DOCK2: variants seen among roughly 807,000 people sequenced by gnomAD.
DOCK2 encodes dedicator of cytokinesis 2.
In DOCK2, 87 loss-of-function variants were observed where a neutral mutation model predicts 248.9. The ratio of observed to expected loss-of-function variants is 0.35; its 90% CI spans 0.29 to 0.42. The LOEUF (loss-of-function observed/expected upper bound fraction) is 0.42, where lower values mean the gene tolerates loss of function less well. Among genes scored for constraint, DOCK2 ranks in the 10% least tolerant of loss-of-function variants. The probability of loss-of-function intolerance (pLI) is 1.00; values close to 1 mark genes in which losing one functional copy is unlikely to be tolerated. For synonymous variants in DOCK2, 805 were observed against 821.6 expected (o/e 0.98, Z 0.35); for missense variants, 1,747 against 2,300.2 (o/e 0.76, Z 4.92).
intron 41 of DOCK2, 27 bp from the exon 42 acceptor site, chr5:170,055,278 A>T: frequency 6.2e-7 from 1 of 1,610,358 alleles, no homozygotes; most frequent in Non-Finnish European, 8.5e-7. Flanking sequence ...GCCAACAGAT[A>T]TAAGTCCTTA....
intron 27 of DOCK2, among the ~76,000 whole-genome samples, chr5:169,902,390 T>A (rs1773977123): frequency 6.6e-6 from 1 of 152,152 alleles, no homozygotes; most frequent in African/African-American, 2.4e-5. Flanking sequence ...ACAAAGAAGT[T>A]TAGTGATTTT....
chr5:169,832,326 G>GA (rs2113295076), intron 26 of DOCK2, among the ~76,000 whole-genome samples: 1 of 152,296 alleles, frequency 6.6e-6, no homozygotes, highest in East Asian at 1.9e-4. Context: ...GTCTTCTAGT[G>GA]AAGGCTAATA....
At chr5:170,014,758 A>T (rs1755449121) in intron 32 of DOCK2, among the ~76,000 whole-genome samples, 1 of 151,954 alleles carries the variant, frequency 6.6e-6, no homozygotes, top group African/African-American at 2.4e-5. Context: ...AGGCAGGTGG[A>T]GGGAGGGTGG....
intron 8 of DOCK2, among the ~76,000 whole-genome samples, chr5:169,685,975 A>G (rs1340109640): frequency 1.3e-5 from 2 of 152,250 alleles, no homozygotes; most frequent in Admixed American, 6.5e-5. Flanking sequence ...CCAGGGTTTC[A>G]GCACCATTAT....
At chr5:169,992,533 C>T (rs971047978) in intron 29 of DOCK2, among the ~76,000 whole-genome samples, 4 of 151,700 alleles carry the variant, frequency 2.6e-5, no homozygotes, top group Admixed American at 6.6e-5. Context: ...GGTGTGATCT[C>T]GGCTCACTGC....
At chr5:169,646,350 G>C (rs1757462593) in intron 1 of DOCK2, among the ~76,000 whole-genome samples, 1 of 152,156 alleles carries the variant, frequency 6.6e-6, no homozygotes, top group African/African-American at 2.4e-5. Flanking sequence ...CAAAGCCCTT[G>C]TGTCATCATG....
chr5:169,969,632 G>A (rs1007418598), intron 27 of DOCK2, among the ~76,000 whole-genome samples: 7 of 152,294 alleles, frequency 4.6e-5, no homozygotes, highest in East Asian at 3.9e-4. Context: ...GGGGAGTGGC[G>A]GAGGCTGTAG....
chr5:169,755,920 G>A (rs1345615748), intron 23 of DOCK2, among the ~76,000 whole-genome samples: 1 of 152,178 alleles, frequency 6.6e-6, no homozygotes, highest in African/African-American at 2.4e-5. Context: ...CTGCCCCAGT[G>A]TGTCAGGGCA....
rs1156279903 is a variant in DOCK2 at position 169,883,729 on chromosome 5, T to A, written c.2799+42877T>A. On this transcript the variant is annotated intron_variant, in intron 27 of 51. Coordinates refer to ENST00000520908, the MANE Select transcript of DOCK2 (RefSeq NM_004946.3). ...CATCACAGCCGGGTCTTCTGGAGTT[T>A]GGACGTCAACCTCAGCTAGGCCAGT... is the stretch of plus-strand genomic sequence containing the variant. The A allele has an allele frequency of 1.9e-6, 3 of 1,551,630 alleles. No individual in the cohort carries two copies. In the Admixed American group the frequency reaches 5.9e-5, roughly 30 times the overall value.
intron 22 of DOCK2, among the ~76,000 whole-genome samples, chr5:169,730,975 G>A (rs1420078859): frequency 6.6e-6 from 1 of 151,994 alleles, no homozygotes; most frequent in Non-Finnish European, 1.5e-5. Context: ...TTGAACTCCT[G>A]GGCTCAAGTG....
intron 27 of DOCK2, among the ~76,000 whole-genome samples, chr5:169,847,330 C>T (rs929476754): frequency 1.3e-5 from 2 of 152,220 alleles, no homozygotes; most frequent in Admixed American, 1.3e-4. Context: ...TAAATGTTCT[C>T]TTTTCCCAAC....
intron 26 of DOCK2, among the ~76,000 whole-genome samples, chr5:169,833,188 A>G (rs753185070): frequency 1.3e-5 from 2 of 152,228 alleles, no homozygotes; most frequent in Admixed American, 6.5e-5. Context: ...AGACATTTAC[A>G]TGACACAATC....
At chr5:170,041,684 C>A (rs187587521) in intron 37 of DOCK2, among the ~76,000 whole-genome samples, 65 of 152,284 alleles carry the variant, frequency 4.3e-4, no homozygotes, top group Non-Finnish European at 7.4e-4. Flanking sequence ...GGGAAGCTAG[C>A]AGAGGGGAGG....
intron 29 of DOCK2, among the ~76,000 whole-genome samples, chr5:169,987,850 C>T (rs1778105871): frequency 6.6e-6 from 1 of 152,154 alleles, no homozygotes; most frequent in African/African-American, 2.4e-5. Context: ...AAAAGTTAGA[C>T]TCTAGAACAC....
intron 27 of DOCK2, chr5:169,883,653 G>A: frequency 6.4e-7 from 1 of 1,551,246 alleles, no homozygotes; most frequent in South Asian, 1.2e-5. Flanking sequence ...ACCTGGGGAA[G>A]GAGAGCGAGT....
At chr5:169,913,201 A>G (rs1774703423) in intron 27 of DOCK2, among the ~76,000 whole-genome samples, 1 of 152,232 alleles carries the variant, frequency 6.6e-6, no homozygotes, top group Non-Finnish European at 1.5e-5. Context: ...GGAATGTGCT[A>G]TTGAAGTTTA....
intron 27 of DOCK2, chr5:169,864,340 G>A (rs970688626): frequency 1.9e-6 from 3 of 1,551,428 alleles, no homozygotes; most frequent in East Asian, 2.4e-5. Flanking sequence ...CTTTTCCGGG[G>A]CTGGGGGTTC....
rs1229297814 is a variant in DOCK2, at chr5:170,041,116, A to G, written c.3727A>G (p.Thr1243Ala). The part of the protein sequence containing the change: ...DCDNYTEAAY[T>A]LLLHTWLLKW... ...TGACAATTACACAGAGGCTGCCTAC[A>G]CGCTCCTTCTCCACACCTGGCTTCT... The change falls in exon 37 of 52, where the codon ACG becomes GCG. Residue 1243 changes from threonine to alanine, a missense_variant. Physicochemically the swap from Thr to Ala is moderately conservative, Grantham distance 58. Transcript: ENST00000520908. 3.7e-6 allele frequency: 6 copies of G among 1,613,988 alleles called. No homozygotes were observed. The Admixed American group carries it at 8.3e-5, about 22-fold the overall frequency.
In DOCK2 at chr5:169,780,486, T is replaced by C. The variant is rs562550276; in HGVS notation, c.2554+18861T>C. Among the ~76,000 whole-genome samples the C allele has an allele frequency of 1.4e-4, 22 of 152,346 alleles. No homozygotes were observed. The East Asian group carries it at 4.0e-3, about 28-fold the overall frequency. ...CTGGGCAGGTTGACGGTTTCCTCCC[T>C]GTTCGTATTTGTTTCATCATAAGCC... is the stretch of plus-strand genomic sequence containing the variant. On this transcript the variant is annotated intron_variant, in intron 25 of 51. Coordinates refer to ENST00000520908, the MANE Select transcript of DOCK2 (RefSeq NM_004946.3).
Sources: allele counts gnomAD v4.1 joint callset (sites outside exome capture counted in the v4.1 genomes callset), GRCh38; gene constraint gnomAD v4.1.1; transcripts MANE v1.5; gene names NCBI Gene and HGNC (gene_info 2026-07-23, HGNC 2026-07-21).